SIK3: variants seen among roughly 807,000 people sequenced by gnomAD.
SIK3 encodes serine/threonine-protein kinase SIK3.
A neutral mutation model predicts 144.2 loss-of-function variants in SIK3; 28 were observed. The observed-to-expected ratio is 0.19, with a 90% CI of 0.14 to 0.27. The LOEUF (loss-of-function observed/expected upper bound fraction) is 0.27, where lower values mean the gene tolerates loss of function less well. Among genes scored for constraint, SIK3 ranks in the 10% least tolerant of loss-of-function variants. The pLI is 1.00. For synonymous variants in SIK3, 686 were observed against 676.3 expected, an observed-to-expected ratio of 1.01 and a Z score of -0.22; for missense variants, 1,319 against 1,776.0, an observed-to-expected ratio of 0.74 and a Z score of 4.62.
intron 1 of SIK3, among the ~76,000 whole-genome samples, chr11:116,980,815 G>A (rs1950114453): frequency 6.6e-6 from 1 of 151,766 alleles, no homozygotes; most frequent in Non-Finnish European, 1.5e-5. Context: ...TCATGCCACT[G>A]CATTCCAGCT....
At chr11:116,959,381 C>T (rs568416697) in intron 1 of SIK3, among the ~76,000 whole-genome samples, 1 of 152,260 alleles carries the variant, frequency 6.6e-6, no homozygotes, top group East Asian at 1.9e-4. Flanking sequence ...TAATGGATCA[C>T]CTCCAATCTC....
At chr11:116,861,655 G>A (rs537246028) in intron 18 of SIK3, among the ~76,000 whole-genome samples, 186 bp downstream of exon 18, 1 of 152,180 alleles carries the variant, frequency 6.6e-6, no homozygotes, top group Non-Finnish European at 1.5e-5. Context: ...ATGGGGCTAA[G>A]GAAATGAAGT....
chr11:117,086,274 T>C (rs12281358), intron 1 of SIK3, among the ~76,000 whole-genome samples: 11,162 of 152,276 alleles, frequency 0.073, 503 homozygotes, highest in South Asian at 0.11. Context: ...TATTTATTCA[T>C]ATAACTTTCT....
chr11:116,963,738 A>G (rs1949429285), intron 1 of SIK3, among the ~76,000 whole-genome samples: 2 of 152,180 alleles, frequency 1.3e-5, no homozygotes, highest in South Asian at 4.1e-4. Flanking sequence ...GAACTGAGAA[A>G]ATAGTCACTC....
Position 116,874,036 on chromosome 11 carries a change from A to G in SIK3, c.1448T>C (p.Leu483Pro). ...AGGAAAGCCAGGTAGGAGCTTCTGC[A>G]GATCTTCCATAACTTCCGTGCTGAT... ...ADPRTEVMED[L>P]QKLLPGFPGV... The change falls in exon 12 of 25, where the codon CTG (leucine) becomes CCG (proline). Residue 483 changes from leucine to proline, a missense_variant. Physicochemically the swap from Leu to Pro is moderately conservative, Grantham distance 98. Around this residue, in one of 8 missense-constraint regions of SIK3, gnomAD observed 167 missense variants for 263.3 expected, o/e 0.63. Transcript: ENST00000445177. 6.2e-7 allele frequency: 1 copy of G among 1,613,988 alleles called. No individual in the cohort carries two copies.
intron 21 of SIK3, among the ~76,000 whole-genome samples, chr11:116,855,899 C>A (rs573635868): frequency 6.6e-5 from 10 of 152,310 alleles, no homozygotes; most frequent in African/African-American, 2.4e-4. Context: ...CATTTGGTGC[C>A]TGGCACATGT....
chr11:116,863,787 G>A lies in SIK3; in HGVS notation c.1984C>T (p.Leu662Phe). ...ACAGGGGAGAAACGCTCCGTAGGGAGGTGCAGAGTGTTGGAGTCCTTGTAG... is the reference window on the plus strand; with the variant it reads ...ACAGGGGAGAAACGCTCCGTAGGGAAGTGCAGAGTGTTGGAGTCCTTGTAG... Reference protein sequence around the residue: ...STYKDSNTLHLPTERFSPVRR... With the variant: ...STYKDSNTLHFPTERFSPVRR... Residue 662 changes from leucine (L) to phenylalanine (F), a missense_variant, in exon 16 of 25, where the codon CTC becomes TTC. Around this residue, in one of 8 missense-constraint regions of SIK3, gnomAD observed 47 missense variants for 40.2 expected, o/e 1.17. Transcript: ENST00000445177. The A allele has an allele frequency of 6.2e-7, 1 of 1,613,898 alleles. No homozygotes were observed. Among genetic ancestry groups the A allele is most frequent in the Non-Finnish European group, 8.5e-7 (1 of 1,179,882 alleles).
chr11:117,039,935 G>A (rs548464384), intron 1 of SIK3, among the ~76,000 whole-genome samples: 2 of 152,138 alleles, frequency 1.3e-5, no homozygotes, highest in African/African-American at 4.8e-5. Flanking sequence ...GATAGCAGCA[G>A]GTTCTAGTGT....
At chr11:117,093,181 C>A (rs7950381) in intron 1 of SIK3, among the ~76,000 whole-genome samples, 24,889 of 152,198 alleles carry the variant, frequency 0.16, 2,160 homozygotes, top group Admixed American at 0.21. Context: ...TGACATAATT[C>A]TCTCCTACTT....
At position 116,967,021 on chromosome 11, in the gene SIK3, G is replaced by A. The variant is rs369518327; in HGVS notation, c.274-9957C>T. Among the ~76,000 whole-genome samples, 118 of 113,706 alleles carry A rather than the reference G, an allele frequency of 1.0e-3. 1 individual carries two copies. The highest frequency in any genetic ancestry group is 1.8e-3 in the African/African-American group (50 of 27,142). The allele number at this position is 113,706 out of a possible 152,430, so 74.6% of individuals were successfully genotyped here. ...TCTGTTTCAAAAAAAAAAAGAAAAA[G>A]AAAAAGAAAAAGAAAAGAAAAAAAG... On this transcript the variant is annotated intron_variant, in intron 1 of 24. Coordinates refer to ENST00000445177, the MANE Select transcript of SIK3 (RefSeq NM_001366686.3).
At chr11:117,056,437 A>G (rs1183157137) in intron 1 of SIK3, among the ~76,000 whole-genome samples, 2 of 152,110 alleles carry the variant, frequency 1.3e-5, no homozygotes, top group Non-Finnish European at 2.9e-5. Context: ...TGATGAGTTA[A>G]TGAGTGCAGC....
chr11:116,999,315 T>G (rs886521899), intron 1 of SIK3, among the ~76,000 whole-genome samples: 2 of 152,246 alleles, frequency 1.3e-5, no homozygotes, highest in Non-Finnish European at 1.5e-5. Flanking sequence ...TTAAGACATA[T>G]ATGTGTTTGC....
chr11:116,861,897 T>C lies in SIK3; in HGVS notation c.2259A>G (p.Pro753=). The C allele has an allele frequency of 1.2e-6, 2 of 1,611,250 alleles. No homozygotes were observed. The highest frequency in any genetic ancestry group is 1.1e-5 in the South Asian group (1 of 90,266). Residue 753 remains proline (P), a synonymous_variant, in exon 18 of 25, where the codon CCA becomes CCG. Transcript: ENST00000445177. ...GATTTTCACATGCAGCCTGAAGAGG[T>C]GGAGATGGCTGAGGAGGACAGATAG... The part of the protein sequence containing the change: ...QDSICPPQPS[P]PLQAACENQP...
rs1443318601 is a variant in SIK3, at chr11:116,846,430, T to G, written c.4076A>C (p.Glu1359Ala). ...TGCCTGCTCCATGCTGAAGGAGACT[T>G]CGGGGTGCTTGTAGCTGAGCAGAAT... ...TDILLSYKHP[E>A]VSFSMEQAGV The change falls in exon 24 of 25, where the codon GAA becomes GCA. Residue 1359 changes from glutamate to alanine, a missense_variant. By Grantham distance (107) the Glu-to-Ala change is moderately radical. Coordinates refer to ENST00000445177, the MANE Select transcript of SIK3 (RefSeq NM_001366686.3). This position sits in a 1 kb window ranked among gnomAD's most constrained non-coding sequence, Gnocchi z 4.1. 1.9e-5 allele frequency: 31 copies of G among 1,614,084 alleles called. No individual in the cohort carries two copies. The highest frequency in any genetic ancestry group is 2.6e-5 in the Non-Finnish European group (31 of 1,180,048).
chr11:116,999,146 G>A (rs1277103062), intron 1 of SIK3, among the ~76,000 whole-genome samples: 1 of 152,182 alleles, frequency 6.6e-6, no homozygotes, highest in Non-Finnish European at 1.5e-5. Context: ...AACTTGCCTA[G>A]AGTTTGACCA....
intron 1 of SIK3, among the ~76,000 whole-genome samples, chr11:117,011,409 A>T (rs1323394914): frequency 1.3e-5 from 2 of 152,192 alleles, no homozygotes; most frequent in Non-Finnish European, 2.9e-5. Flanking sequence ...CCAAGAGATG[A>T]TTTGGGATGA....
rs1943728167 is a variant in SIK3 at position 116,867,813 on chromosome 11, A to T, written c.1952+133T>A. On this transcript the variant is annotated intron_variant, in intron 15 of 24. Transcript: ENST00000445177. The surrounding 1 kb of genome is among the most constrained non-coding windows in gnomAD (Gnocchi z 4.1). ...GCATTGCTTACTGCAAGGAGCTGAG[A>T]AGATGTGAGTTCAGGATGACAGCTG... 4.4e-6 allele frequency: 4 copies of T among 907,950 alleles called. No individual in the cohort carries two copies. The highest frequency in any genetic ancestry group is 1.9e-5 in the South Asian group (1 of 52,212). The allele number at this position is 907,950 out of a possible 1,614,324, so 56.2% of individuals were successfully genotyped here.
chr11:116,997,316 C>T (rs1230269087), intron 1 of SIK3, among the ~76,000 whole-genome samples: 1 of 152,312 alleles, frequency 6.6e-6, no homozygotes, highest in East Asian at 1.9e-4. Context: ...AGTCAGTCTG[C>T]TTGACAAGCC....
chr11:116,851,790 G>T (rs151119540), intron 21 of SIK3, among the ~76,000 whole-genome samples: 1 of 152,230 alleles, frequency 6.6e-6, no homozygotes, highest in African/African-American at 2.4e-5. Context: ...GGCACTGCTC[G>T]CATGTTGGCG....
Sources: gnomAD v4.1 joint callset for allele counts (sites outside exome capture counted in the v4.1 genomes callset) on GRCh38, gnomAD v4.1.1 for gene constraint, gnomAD v4.1.1 regional missense constraint, Gnocchi (gnomAD v3.1) non-coding constraint, MANE v1.5 for transcripts, NCBI Gene and HGNC (gene_info 2026-07-23, HGNC 2026-07-21) for gene names.